The following COLQ variants were observed in gnomAD, a reference collection of about 807,000 sequenced individuals.
COLQ encodes collagen like tail subunit of asymmetric acetylcholinesterase, also known as acetylcholinesterase collagenic tail peptide.
A neutral mutation model predicts 69.0 loss-of-function variants in COLQ; 48 were observed. The observed-to-expected ratio is 0.70, with a 90% CI of 0.55 to 0.88. COLQ has a LOEUF of 0.88. COLQ is among the 40% of genes least tolerant of loss of function. COLQ has a pLI of 0.00. For missense variants in COLQ, 618 were observed against 594.6 expected (o/e 1.04, Z -0.41); for synonymous variants, 217 against 211.2 (o/e 1.03, Z -0.24).
In COLQ at chr3:15,458,296, T is replaced by C. The variant is rs121908922; in HGVS notation, c.844A>G (p.Arg282Gly). The change falls in exon 13 of 17, where the codon AGA (arginine) becomes GGA (glycine). Residue 282 changes from arginine to glycine, a missense_variant. By Grantham distance (125) the Arg-to-Gly change is moderately radical. Coordinates refer to ENST00000383788, the MANE Select transcript of COLQ (RefSeq NM_005677.4). ...CTTCCTGGAGGCCCGGGAAATCCTC[T>C]TTCCCCTTTGGGTCCCATTATAAGT... ...GQLIMGPKGE[R>G]GFPGPPGRCL... is the part of the protein sequence containing the mutation. The C allele has an allele frequency of 2.5e-6, 4 of 1,614,210 alleles. No individual in the cohort carries two copies. Among genetic ancestry groups the C allele is most frequent in the Non-Finnish European group, 3.4e-6 (4 of 1,180,036 alleles).
rs928721779 is a variant in COLQ at position 15,455,747 on chromosome 3, G to A, written c.1195+152C>T. On this transcript the variant is annotated intron_variant, in intron 15 of 16. Coordinates refer to ENST00000383788, the MANE Select transcript of COLQ (RefSeq NM_005677.4). The stretch of plus-strand genomic sequence containing the variant: ...ATTTGGGCTGAAACTGGGGCAGCAG[G>A]GACTGGGGTGGGTGGCACAAGGTGG... 6.3e-5 allele frequency: 58 copies of A among 920,702 alleles called. No homozygotes were observed. The Admixed American group carries it at 1.1e-3, about 18-fold the overall frequency. The allele number at this position is 920,702 out of a possible 1,614,324, so 57.0% of individuals were successfully genotyped here.
At chr3:15,470,864 T>C (rs2062272590) in intron 10 of COLQ, among the ~76,000 whole-genome samples, 2 of 152,128 alleles carry the variant, frequency 1.3e-5, no homozygotes, top group Admixed American at 1.3e-4. Flanking sequence ...GAGGGACAGG[T>C]GTGGAGCAGC....
At chr3:15,455,785 C>G in intron 15 of COLQ, 114 bp downstream of exon 15, 1 of 1,431,748 alleles carries the variant, frequency 7.0e-7, no homozygotes, top group Non-Finnish European at 9.7e-7. Flanking sequence ...TGGGTATACC[C>G]TTCTCTGGCT....
chr3:15,461,736 A>C (rs2062117572), intron 12 of COLQ, among the ~76,000 whole-genome samples: 1 of 152,008 alleles, frequency 6.6e-6, no homozygotes, highest in Non-Finnish European at 1.5e-5. Flanking sequence ...CTTTTCTCTA[A>C]GGGGAGGGTA....
chr3:15,486,572 C>T (rs765232813), intron 3 of COLQ, among the ~76,000 whole-genome samples: 13 of 152,172 alleles, frequency 8.5e-5, no homozygotes, highest in Non-Finnish European at 1.3e-4. Context: ...TTCTATATTC[C>T]ATGGGTTCTA....
At chr3:15,510,173 C>CT (rs908738418) in intron 1 of COLQ, among the ~76,000 whole-genome samples, 1 of 148,954 alleles carries the variant, frequency 6.7e-6, no homozygotes, top group Non-Finnish European at 1.5e-5. Context: ...GAGACTCTGT[C>CT]TAAAAAAAAA....
At chr3:15,458,089 AAGTT>A in intron 13 of COLQ, 93 bp downstream of exon 13, 1 of 1,416,442 alleles carries the variant, frequency 7.1e-7, no homozygotes, top group South Asian at 1.2e-5. Context: ...TCGTGAAAAA[AAGTT>A]AGTTTTACTG....
chr3:15,450,202 T>G lies in COLQ; in HGVS notation c.*1442A>C, dbSNP rs1229932973. The G allele has an allele frequency of 6.6e-6, 1 of 152,610 alleles. No individual in the cohort carries two copies. 9.5% of individuals were successfully genotyped at this position (152,610 alleles called of 1,614,324 possible). A position where few individuals can be genotyped will look rare whatever the true frequency, so the allele number is the denominator to read the frequency against. On this transcript the variant is annotated 3_prime_UTR_variant, in exon 17 of 17. Coordinates refer to ENST00000383788, the MANE Select transcript of COLQ (RefSeq NM_005677.4). ...CCCCAGTGTGATGGTGGAAGCAGCA[T>G]GAAAACAACATCTCCCCAGGCCTCG... is the stretch of plus-strand genomic sequence containing the variant.
chr3:15,452,449 T>C (rs944542017), intron 16 of COLQ, among the ~76,000 whole-genome samples: 8 of 152,322 alleles, frequency 5.3e-5, no homozygotes, highest in African/African-American at 1.9e-4. Flanking sequence ...TATTGGACAG[T>C]GCAGTTTATA....
chr3:15,476,213 T>G (rs148474558), intron 6 of COLQ, among the ~76,000 whole-genome samples: 1 of 152,380 alleles, frequency 6.6e-6, no homozygotes, highest in East Asian at 1.9e-4. Flanking sequence ...CCAAAATATT[T>G]AATCTGTACT....
chr3:15,456,447 G>A lies in COLQ; in HGVS notation c.1074+13C>T. 6.2e-7 allele frequency: 1 copy of A among 1,613,910 alleles called. No individual in the cohort carries two copies. Among genetic ancestry groups the A allele is most frequent in the Non-Finnish European group, 8.5e-7 (1 of 1,180,018 alleles). On this transcript the variant is annotated intron_variant, in intron 14 of 16. Coordinates refer to ENST00000383788, the MANE Select transcript of COLQ (RefSeq NM_005677.4). The stretch of plus-strand genomic sequence containing the variant: ...GGCAGGGAGTATGTCCTGAGGTAAT[G>A]GCCTGGGGGTACCTGGATGGGGAGC...
chr3:15,455,790 C>T, intron 15 of COLQ, 109 bp downstream of exon 15: 1 of 1,473,394 alleles, frequency 6.8e-7, no homozygotes, highest in Non-Finnish European at 9.3e-7. Flanking sequence ...ATACCCTTCT[C>T]TGGCTCTAGA....
chr3:15,496,377 G>A (rs1367724484), intron 1 of COLQ: 1 of 155,984 alleles, frequency 6.4e-6, no homozygotes, highest in Non-Finnish European at 1.5e-5. Context: ...ACGTGTTTGG[G>A]AGCAGCTTCC....
intron 7 of COLQ, 88 bp downstream of exon 7, chr3:15,475,337 A>G: frequency 7.9e-7 from 1 of 1,268,984 alleles, no homozygotes; most frequent in Non-Finnish European, 1.1e-6. Context: ...CCGGGACTGC[A>G]GCCCCACCCA....
chr3:15,477,610 C>T (rs145987840), intron 5 of COLQ: 93 of 189,962 alleles, frequency 4.9e-4, no homozygotes, highest in African/African-American at 2.1e-3. Context: ...GAGTGCCCAT[C>T]GCCCAGAGGC....
chr3:15,519,037 AT>A (rs914834190), intron 1 of COLQ, among the ~76,000 whole-genome samples: 2 of 152,112 alleles, frequency 1.3e-5, no homozygotes, highest in Non-Finnish European at 2.9e-5. Flanking sequence ...AACAGCTTCC[AT>A]TTTTTTAAAG....
chr3:15,470,732 A>C, intron 10 of COLQ, 116 bp from the exon 11 acceptor site: 1 of 975,648 alleles, frequency 1.0e-6, no homozygotes. Context: ...TTCCGAATCT[A>C]TGCCAACTGG....
chr3:15,465,130 C>T (rs2062177514), intron 12 of COLQ, among the ~76,000 whole-genome samples: 1 of 150,602 alleles, frequency 6.6e-6, no homozygotes, highest in South Asian at 2.1e-4. Flanking sequence ...GCCAAGATCG[C>T]ACCACTGCAC....
chr3:15,496,659 C>T (rs1221941147), intron 1 of COLQ, among the ~76,000 whole-genome samples: 1 of 152,248 alleles, frequency 6.6e-6, no homozygotes, highest in Non-Finnish European at 1.5e-5. Flanking sequence ...TTCAGGACCG[C>T]ATGTCCCAAC....
Sources: allele counts gnomAD v4.1 joint callset (sites outside exome capture counted in the v4.1 genomes callset), GRCh38; gene constraint gnomAD v4.1.1; transcripts MANE v1.5; gene names NCBI Gene and HGNC (gene_info 2026-07-23, HGNC 2026-07-21).